Variants in OR56B1 observed in about 807,000 individuals in gnomAD.
The protein encoded by OR56B1 is olfactory receptor family 56 subfamily B member 1.
Under a neutral mutation model 11.4 loss-of-function variants are expected in OR56B1, and 13 were observed. That is an observed-to-expected ratio of 1.14 (90% CI 0.74 to 1.81). OR56B1 has a LOEUF of 1.81. OR56B1 is among the 40% of genes most tolerant of loss of function. The pLI, the probability that OR56B1 is intolerant of heterozygous loss-of-function variation, is 0.00. For missense variants in OR56B1, 434 were observed against 379.3 expected (o/e 1.14, Z -1.20); for synonymous variants, 158 against 143.6 (o/e 1.10, Z -0.72).
chr11:5,737,612 A>T lies in OR56B1; in HGVS notation c.*121A>T. 1 of 891,784 alleles carries T rather than the reference A, an allele frequency of 1.1e-6. No homozygotes were observed. The highest frequency in any genetic ancestry group is 1.6e-6 in the Non-Finnish European group (1 of 613,024). 55.2% of individuals were successfully genotyped at this position (891,784 alleles called of 1,614,324 possible). On this transcript the variant is annotated 3_prime_UTR_variant, in exon 1 of 1. Transcript: ENST00000317121. The stretch of plus-strand genomic sequence containing the variant: ...TCCCTTTTTATATTTGTATGTAAAT[A>T]ATTGTGAAAGCTTCAGAAAAGATAC...
chr11:5,738,352 T>C lies in OR56B1; in HGVS notation c.*861T>C, dbSNP rs902667293. The C allele has an allele frequency of 1.3e-5, 2 of 152,244 alleles. No homozygotes were observed. The highest frequency in any genetic ancestry group is 2.9e-5 in the Non-Finnish European group (2 of 68,076). 9.4% of individuals were successfully genotyped at this position (152,244 alleles called of 1,614,324 possible). A position where few individuals can be genotyped will look rare whatever the true frequency, so the allele number is the denominator to read the frequency against. On this transcript the variant is annotated 3_prime_UTR_variant, in exon 1 of 1. Coordinates refer to ENST00000317121, the MANE Select transcript of OR56B1 (RefSeq NM_001005180.3). The stretch of plus-strand genomic sequence containing the variant: ...CCACCTGCTACAGCTACAGCTTTTA[T>C]GGAAATATAGTAACAGGCTTGTCTT...
Position 5,737,662 on chromosome 11 carries a change from T to G in OR56B1, c.*171T>G. On this transcript the variant is annotated 3_prime_UTR_variant, in exon 1 of 1. Coordinates refer to ENST00000317121, the MANE Select transcript of OR56B1 (RefSeq NM_001005180.3). Reference sequence around the variant, plus strand: ...CAAAAAATCACAGTAGCCTAAAATATTGACAAAAGCTAAATATTTAAATAT... The same window carrying G: ...CAAAAAATCACAGTAGCCTAAAATAGTGACAAAAGCTAAATATTTAAATAT... 1.8e-6 allele frequency: 1 copy of G among 548,790 alleles called. No individual in the cohort carries two copies. Among genetic ancestry groups the G allele is most frequent in the Non-Finnish European group, 3.0e-6 (1 of 333,424 alleles). The allele number at this position is 548,790 out of a possible 1,614,324, so 34.0% of individuals were successfully genotyped here. A position where few individuals can be genotyped will look rare whatever the true frequency, so the allele number is the denominator to read the frequency against.
chr11:5,736,727 T>G lies in OR56B1; in HGVS notation c.211T>G (p.Phe71Val), dbSNP rs1303548043. The G allele has an allele frequency of 5.0e-6, 8 of 1,613,956 alleles. No homozygotes were observed. The South Asian group carries it at 6.6e-5, about 13-fold the overall frequency. Residue 71 changes from phenylalanine (F) to valine (V), a missense_variant, in exon 1 of 1, where the codon TTC (phenylalanine) becomes GTC (valine). Coordinates refer to ENST00000317121, the MANE Select transcript of OR56B1 (RefSeq NM_001005180.3). ...NPSLQQPMYI[F>V]LGILCMVDMG... ...TTCTTTACAGCAGCCCATGTATATTTTCCTTGGCATCCTCTGTATGGTAGA... is the reference window on the plus strand; with the variant it reads ...TTCTTTACAGCAGCCCATGTATATTGTCCTTGGCATCCTCTGTATGGTAGA...
chr11:5,736,823 C>T lies in OR56B1; in HGVS notation c.307C>T (p.Leu103Phe). ...IFWFDAKVIS[L>F]PECFAQIYAI... ...CTGGTTTGATGCCAAGGTTATTAGC[C>T]TCCCTGAGTGCTTTGCTCAGATTTA... The change falls in exon 1 of 1, where the codon CTC becomes TTC. Residue 103 changes from leucine (L) to phenylalanine (F), a missense_variant. Transcript: ENST00000317121. The T allele has an allele frequency of 6.2e-7, 1 of 1,613,958 alleles. No individual in the cohort carries two copies. The highest frequency in any genetic ancestry group is 8.5e-7 in the Non-Finnish European group (1 of 1,179,960).
chr11:5,736,571 T>A lies in OR56B1; in HGVS notation c.55T>A (p.Ser19Thr). Residue 19 changes from serine (S) to threonine (T), a missense_variant, in exon 1 of 1, where the codon TCT (serine) becomes ACT (threonine). By Grantham distance (58) the Ser-to-Thr change is moderately conservative (BLOSUM62 1). Transcript: ENST00000317121. ...CTCCAATAGCTCCAAATTCCAGGTC[T>A]CTGAGTTCATCCTGCTGGGATTCCC... The part of the protein sequence containing the change: ...KISNSSKFQV[S>T]EFILLGFPGI... 6.2e-7 allele frequency: 1 copy of A among 1,613,986 alleles called. No individual in the cohort carries two copies. The highest frequency in any genetic ancestry group is 2.2e-5 in the East Asian group (1 of 44,856).
Position 5,737,083 on chromosome 11 carries a change from T to C in OR56B1, c.567T>C (p.Ser189=). The C allele has an allele frequency of 6.2e-7, 1 of 1,614,094 alleles. No individual in the cohort carries two copies. Residue 189 remains serine (S), a synonymous_variant, in exon 1 of 1, where the codon TCT becomes TCC. Transcript: ENST00000317121. ...ATGAAATTGAACACTGCCTGTGCTC[T>C]AACCTTGGGGTCACAAGCCTGGCTT... ...SKNEIEHCLC[S]NLGVTSLACD...
chr11:5,737,484 G>T lies in OR56B1; in HGVS notation c.968G>T (p.Arg323Ile), dbSNP rs371017819. ...KVLFALTKEI[R>I]S ...CTGTTTGCCCTTACAAAAGAAATAA[G>T]ATCTTAGAGACCTTCTCCATGATGT... The change falls in exon 1 of 1, where the codon AGA becomes ATA. Residue 323 changes from arginine (R) to isoleucine (I), a missense_variant. Physicochemically the swap from Arg to Ile is moderately conservative, Grantham distance 97. Transcript: ENST00000317121. 3.7e-6 allele frequency: 6 copies of T among 1,607,770 alleles called. No individual in the cohort carries two copies. Among genetic ancestry groups the T allele is most frequent in the Non-Finnish European group, 5.1e-6 (6 of 1,176,550 alleles).
Position 5,737,787 on chromosome 11 carries a change from A to G in OR56B1, c.*296A>G, listed in dbSNP as rs918027668. The G allele has an allele frequency of 7.9e-6, 2 of 253,092 alleles. No homozygotes were observed. Among genetic ancestry groups the G allele is most frequent in the Non-Finnish European group, 7.7e-6 (1 of 130,558 alleles). 15.7% of individuals were successfully genotyped at this position (253,092 alleles called of 1,614,324 possible). A position where few individuals can be genotyped will look rare whatever the true frequency, so the allele number is the denominator to read the frequency against. On this transcript the variant is annotated 3_prime_UTR_variant, in exon 1 of 1. Coordinates refer to ENST00000317121, the MANE Select transcript of OR56B1 (RefSeq NM_001005180.3). ...AAAATAAAAATGAATATAATCACAC[A>G]CCCACAAATACACACACAGACACAC...
rs879180503 is a variant in OR56B1 at position 5,736,509 on chromosome 11, G to A, written c.-8G>A. 8 of 1,612,346 alleles carry A rather than the reference G, an allele frequency of 5.0e-6. No homozygotes were observed. The South Asian group carries it at 8.8e-5, about 18-fold the overall frequency. ...ATACAAATAGAGATTTGAAATTCAT[G>A]TTGAATCATGAATCATATGTCTGCA... On this transcript the variant is annotated 5_prime_UTR_variant, in exon 1 of 1. It removes an upstream start codon present in the reference 5' UTR. Transcript: ENST00000317121.
Position 5,737,022 on chromosome 11 carries a change from C to G in OR56B1, c.506C>G (p.Pro169Arg). Residue 169 changes from proline to arginine, a missense_variant, in exon 1 of 1, where the codon CCT (proline) becomes CGT (arginine). Physicochemically the swap from Pro to Arg is moderately radical, Grantham distance 103 (BLOSUM62 -2). Coordinates refer to ENST00000317121, the MANE Select transcript of OR56B1 (RefSeq NM_001005180.3). ...LRNGLFVTPV[P>R]VLAAQRDYCS... Reference sequence around the variant, plus strand: ...AATGGCTTATTTGTCACTCCAGTGCCTGTGCTTGCAGCACAGCGTGATTAT... The same window carrying G: ...AATGGCTTATTTGTCACTCCAGTGCGTGTGCTTGCAGCACAGCGTGATTAT... The G allele has an allele frequency of 6.2e-7, 1 of 1,614,156 alleles. No individual in the cohort carries two copies. The highest frequency in any genetic ancestry group is 1.3e-5 in the African/African-American group (1 of 75,054).
chr11:5,738,025 T>C lies in OR56B1; in HGVS notation c.*534T>C, dbSNP rs1404175832. Reference sequence around the variant, plus strand: ...ATGAGGATTTATGTGGAATATGAGATGACTCAGCTTGGACAGACAGAACCC... The same window carrying C: ...ATGAGGATTTATGTGGAATATGAGACGACTCAGCTTGGACAGACAGAACCC... On this transcript the variant is annotated 3_prime_UTR_variant, in exon 1 of 1. Transcript: ENST00000317121. 6.5e-6 allele frequency: 1 copy of C among 154,646 alleles called. No individual in the cohort carries two copies. Among genetic ancestry groups the C allele is most frequent in the African/African-American group, 2.4e-5 (1 of 41,472 alleles). 9.6% of individuals were successfully genotyped at this position (154,646 alleles called of 1,614,324 possible).
At position 5,738,181 on chromosome 11, in the gene OR56B1, G is replaced by T. The variant is rs1018929566; in HGVS notation, c.*690G>T. 1 of 152,246 alleles carries T rather than the reference G, an allele frequency of 6.6e-6. No homozygotes were observed. Among genetic ancestry groups the T allele is most frequent in the Admixed American group, 6.5e-5 (1 of 15,270 alleles). 9.4% of individuals were successfully genotyped at this position (152,246 alleles called of 1,614,324 possible). A position where few individuals can be genotyped will look rare whatever the true frequency, so the allele number is the denominator to read the frequency against. On this transcript the variant is annotated 3_prime_UTR_variant, in exon 1 of 1. Coordinates refer to ENST00000317121, the MANE Select transcript of OR56B1 (RefSeq NM_001005180.3). ...ACATATTGTAAGCCCAAACTCCTTTGTCTTTCGGTGTTCAGTTGAATTGAG... is the reference window on the plus strand; with the variant it reads ...ACATATTGTAAGCCCAAACTCCTTTTTCTTTCGGTGTTCAGTTGAATTGAG...
At position 5,737,338 on chromosome 11, in the gene OR56B1, G is replaced by C; in HGVS notation, c.822G>C (p.Glu274Asp). 2 of 1,614,078 alleles carry C rather than the reference G, an allele frequency of 1.2e-6. No individual in the cohort carries two copies. Among genetic ancestry groups the C allele is most frequent in the Non-Finnish European group, 1.7e-6 (2 of 1,179,972 alleles). Reference sequence around the variant, plus strand: ...TGATTTCAGTGACTCATCTGACAGAGATGAAGGCTACTTTGATTCCAGTTC... The same window carrying C: ...TGATTTCAGTGACTCATCTGACAGACATGAAGGCTACTTTGATTCCAGTTC... ...VVVISVTHLT[E>D]MKATLIPVLL... The change falls in exon 1 of 1, where the codon GAG becomes GAC. Residue 274 changes from glutamate (E) to aspartate (D), a missense_variant. Physicochemically the swap from Glu to Asp is conservative, Grantham distance 45. Transcript: ENST00000317121.
chr11:5,736,692 G>A lies in OR56B1; in HGVS notation c.176G>A (p.Trp59Ter). The change falls in exon 1 of 1, where the codon TGG (tryptophan) becomes TAG (stop). Residue 59 changes from tryptophan (W) to a stop codon, truncating the protein, a stop_gained. Transcript: ENST00000317121. LOFTEE classifies it low-confidence loss of function (END_TRUNC). ...AACACCCTCATCCTCATCATCATCT[G>A]GCAGAACCCTTCTTTACAGCAGCCC... ...AANTLILIIIWQNPSLQQPMY... is the reference protein window; with the variant it reads ...AANTLILIII 6.2e-7 allele frequency: 1 copy of A among 1,613,936 alleles called. No homozygotes were observed. The highest frequency in any genetic ancestry group is 8.5e-7 in the Non-Finnish European group (1 of 1,179,956).
In OR56B1 at chr11:5,738,167, G is replaced by A. The variant is rs1383281592; in HGVS notation, c.*676G>A. ...GAGGGCTGACTTTCACATATTGTAA[G>A]CCCAAACTCCTTTGTCTTTCGGTGT... On this transcript the variant is annotated 3_prime_UTR_variant, in exon 1 of 1. Transcript: ENST00000317121. 4 of 152,230 alleles carry A rather than the reference G, an allele frequency of 2.6e-5. No homozygotes were observed. The highest frequency in any genetic ancestry group is 6.5e-5 in the Admixed American group (1 of 15,280). The allele number at this position is 152,230 out of a possible 1,614,324, so 9.4% of individuals were successfully genotyped here. A position where few individuals can be genotyped will look rare whatever the true frequency, so the allele number is the denominator to read the frequency against.
chr11:5,736,588 G>A lies in OR56B1; in HGVS notation c.72G>A (p.Leu24=). 3 of 1,613,968 alleles carry A rather than the reference G, an allele frequency of 1.9e-6. No homozygotes were observed. Among genetic ancestry groups the A allele is most frequent in the Non-Finnish European group, 2.5e-6 (3 of 1,179,944 alleles). The change falls in exon 1 of 1, where the codon CTG becomes CTA. Residue 24 remains leucine, a synonymous_variant. Coordinates refer to ENST00000317121, the MANE Select transcript of OR56B1 (RefSeq NM_001005180.3). ...TCCAGGTCTCTGAGTTCATCCTGCTGGGATTCCCGGGCATTCACAGCTGGC... is the reference window on the plus strand; with the variant it reads ...TCCAGGTCTCTGAGTTCATCCTGCTAGGATTCCCGGGCATTCACAGCTGGC... ...SKFQVSEFIL[L]GFPGIHSWQH...
In OR56B1 at chr11:5,737,389, C is replaced by T. The variant is rs1188159862; in HGVS notation, c.873C>T (p.Ile291=). The T allele has an allele frequency of 1.9e-6, 3 of 1,614,012 alleles. No individual in the cohort carries two copies. The highest frequency in any genetic ancestry group is 1.3e-5 in the African/African-American group (1 of 75,040). ...PVLLNVLHNI[I]PPSLNPTVYA... The stretch of plus-strand genomic sequence containing the variant: ...TACTTAATGTGTTGCACAACATCAT[C>T]CCCCCTTCCCTCAACCCTACAGTTT... The change falls in exon 1 of 1, where the codon ATC becomes ATT. Residue 291 remains isoleucine, a synonymous_variant. Coordinates refer to ENST00000317121, the MANE Select transcript of OR56B1 (RefSeq NM_001005180.3).
In OR56B1 at chr11:5,737,205, TTCTGTAC is replaced by T. The variant is rs1434619491; in HGVS notation, c.698_704del (p.Ser233LeufsTer3). The T allele has an allele frequency of 6.2e-7, 1 of 1,613,998 alleles. No homozygotes were observed. The stretch of plus-strand genomic sequence containing the variant: ...CTTATTATACTGTCATATATTTTGA[TTCTGTAC>T]TCTGTACTTAGACTGAACTCAGCTG... On this transcript the variant is annotated frameshift_variant, in exon 1 of 1. Transcript: ENST00000317121. LOFTEE classifies it high-confidence loss of function.
In OR56B1 at chr11:5,736,708, A is replaced by ACAG; in HGVS notation, c.197_199dup (p.Gln66dup). The ACAG allele has an allele frequency of 6.2e-7, 1 of 1,613,980 alleles. No homozygotes were observed. The highest frequency in any genetic ancestry group is 1.3e-5 in the African/African-American group (1 of 75,016). On this transcript the variant is annotated inframe_insertion, in exon 1 of 1. Transcript: ENST00000317121. The stretch of plus-strand genomic sequence containing the variant: ...TCATCATCTGGCAGAACCCTTCTTT[A>ACAG]CAGCAGCCCATGTATATTTTCCTTG...
Sources: gnomAD v4.1 joint callset for allele counts on GRCh38, gnomAD v4.1.1 for gene constraint, MANE v1.5 for transcripts, NCBI Gene and HGNC (gene_info 2026-07-23, HGNC 2026-07-21) for gene names.